The following SYCP1 variants were observed in gnomAD, a reference collection of about 807,000 sequenced individuals.
The protein encoded by SYCP1 is cancer/testis antigen 8.
Under a neutral mutation model 153.1 loss-of-function variants are expected in SYCP1, and 64 were observed. That is an observed-to-expected ratio of 0.42 (90% confidence interval 0.34 to 0.51). SYCP1 has a LOEUF of 0.51. Among genes scored for constraint, SYCP1 ranks in the 20% least tolerant of loss-of-function variants. The pLI is 0.06. For missense variants in SYCP1, 997 were observed against 1,049.0 expected, an observed-to-expected ratio of 0.95 and a Z score of 0.68; for synonymous variants, 384 against 341.8, an observed-to-expected ratio of 1.12 and a Z score of -1.36.
intron 20 of SYCP1, among the ~76,000 whole-genome samples, chr1:114,918,315 T>C (rs1429692818): frequency 6.6e-6 from 1 of 152,156 alleles, no homozygotes; most frequent in African/African-American, 2.4e-5. Context: ...AATGGATTTG[T>C]TTGTGAGTTC....
intron 27 of SYCP1, among the ~76,000 whole-genome samples, chr1:114,968,903 T>G (rs758989636): frequency 8.5e-5 from 13 of 152,258 alleles, no homozygotes; most frequent in Non-Finnish European, 1.8e-4. Flanking sequence ...TACTGCTTTC[T>G]GTTTGTTAGT....
At chr1:114,926,158 A>T in intron 21 of SYCP1, 120 bp from the exon 22 acceptor site, 1 of 688,588 alleles carries the variant, frequency 1.5e-6, no homozygotes, top group Non-Finnish European at 2.0e-6. Flanking sequence ...TATTAATGGA[A>T]TTACCATGAT....
At chr1:114,879,201 C>A (rs1377340952) in intron 12 of SYCP1, among the ~76,000 whole-genome samples, 1 of 152,108 alleles carries the variant, frequency 6.6e-6, no homozygotes, top group Non-Finnish European at 1.5e-5. Flanking sequence ...CGGCAGGACA[C>A]TTAGAAGGCA....
intron 20 of SYCP1, 144 bp downstream of exon 20, chr1:114,914,189 C>T: frequency 1.7e-6 from 1 of 578,250 alleles, no homozygotes; most frequent in Non-Finnish European, 2.8e-6. Flanking sequence ...GTTGTGGAAT[C>T]CTGCTTAAAA....
At chr1:114,856,958 C>T (rs35024065) in intron 3 of SYCP1, among the ~76,000 whole-genome samples, 1 of 127,534 alleles carries the variant, frequency 7.8e-6, no homozygotes, top group African/African-American at 2.8e-5. Flanking sequence ...AGCAAACAAA[C>T]CCCACCACCC....
chr1:114,990,865 C>T (rs2101984271), intron 30 of SYCP1, among the ~76,000 whole-genome samples: 1 of 151,906 alleles, frequency 6.6e-6, no homozygotes, highest in South Asian at 2.1e-4. Context: ...ATAAATTCTA[C>T]CAAATATTTA....
chr1:114,879,102 A>G (rs1570685108), intron 12 of SYCP1, among the ~76,000 whole-genome samples: 1 of 152,294 alleles, frequency 6.6e-6, no homozygotes, highest in East Asian at 1.9e-4. Flanking sequence ...ATGAAATTGT[A>G]AAAGATTTGG....
chr1:114,865,466 G>T (rs925316983), intron 8 of SYCP1, among the ~76,000 whole-genome samples: 1 of 152,110 alleles, frequency 6.6e-6, no homozygotes, highest in African/African-American at 2.4e-5. Context: ...GTTCTGTCTT[G>T]CCTTTTCATT....
chr1:114,950,994 T>A (rs1671069913), intron 27 of SYCP1, among the ~76,000 whole-genome samples: 2 of 152,042 alleles, frequency 1.3e-5, no homozygotes, highest in Non-Finnish European at 2.9e-5. Flanking sequence ...CTGGATAATT[T>A]TTTGTATTTT....
At chr1:114,911,079 A>G (rs568760079) in intron 17 of SYCP1, among the ~76,000 whole-genome samples, 17 of 149,542 alleles carry the variant, frequency 1.1e-4, no homozygotes, top group African/African-American at 4.1e-4. Flanking sequence ...TTGTCTTTTT[A>G]CAATAATAAG....
At chr1:114,922,025 TA>T (rs1208063137) in intron 20 of SYCP1, among the ~76,000 whole-genome samples, 1 of 152,206 alleles carries the variant, frequency 6.6e-6, no homozygotes, top group Admixed American at 6.5e-5. Flanking sequence ...ATATGTTATT[TA>T]TTTCTTTTCT....
At chr1:114,913,936 T>C (rs1245436012) in intron 19 of SYCP1, 39 bp from the exon 20 acceptor site, 8 of 1,411,070 alleles carry the variant, frequency 5.7e-6, no homozygotes, top group Non-Finnish European at 7.6e-6. Context: ...TATTTTTGTT[T>C]AAACAAAATA....
At chr1:114,963,381 C>CT (rs1273157247) in intron 27 of SYCP1, among the ~76,000 whole-genome samples, 1 of 151,822 alleles carries the variant, frequency 6.6e-6, no homozygotes, top group East Asian at 1.9e-4. Flanking sequence ...AGTATTTTTT[C>CT]TTTTTTATTA....
intron 19 of SYCP1, 78 bp downstream of exon 19, chr1:114,913,228 T>G: frequency 8.6e-7 from 1 of 1,156,534 alleles, no homozygotes; most frequent in Non-Finnish European, 1.3e-6. Context: ...CTAAAGACCC[T>G]TTGACCTTTA....
intron 9 of SYCP1, among the ~76,000 whole-genome samples, chr1:114,874,943 C>T (rs1481154538): frequency 1.3e-5 from 2 of 152,156 alleles, no homozygotes; most frequent in East Asian, 3.8e-4. Context: ...TGTAGTCACT[C>T]TTTTATGTTT....
rs576197548 is a variant in SYCP1, at chr1:114,908,397, T to A, written c.1321-2000T>A. 1.9e-4 allele frequency among the ~76,000 whole-genome samples: 29 copies of A among 152,324 alleles called. No homozygotes were observed. The South Asian group carries it at 5.6e-3, about 29-fold the overall frequency. Reference sequence around the variant, plus strand: ...CTGCACTTCATAAATCTGTAAATTTTTAACTTTCTTCAAATATGGGAAGTT... The same window carrying A: ...CTGCACTTCATAAATCTGTAAATTTATAACTTTCTTCAAATATGGGAAGTT... On this transcript the variant is annotated intron_variant, in intron 16 of 31. Coordinates refer to ENST00000369522, the MANE Select transcript of SYCP1 (RefSeq NM_003176.4).
intron 3 of SYCP1, 32 bp from the exon 4 acceptor site, chr1:114,857,200 G>T (rs367630362): frequency 6.9e-7 from 1 of 1,441,386 alleles, no homozygotes; most frequent in East Asian, 2.3e-5. Context: ...AGATGTTGGC[G>T]TATTTAATAC....
Position 114,995,073 on chromosome 1 carries a change from T to C in SYCP1, c.*54T>C. ...CTAATAACGTGAAACTTATAGTTAA[T>C]ATTTTGTTCTTATTTGCCAGAGCCA... On this transcript the variant is annotated 3_prime_UTR_variant, in exon 32 of 32. Transcript: ENST00000369522. 2 of 1,468,776 alleles carry C rather than the reference T, an allele frequency of 1.4e-6. No individual in the cohort carries two copies. Among genetic ancestry groups the C allele is most frequent in the Admixed American group, 2.4e-5 (1 of 41,342 alleles). 91.0% of individuals were successfully genotyped at this position (1,468,776 alleles called of 1,614,324 possible).
At chr1:114,984,161 T>A (rs1173584378) in intron 29 of SYCP1, among the ~76,000 whole-genome samples, 1 of 152,092 alleles carries the variant, frequency 6.6e-6, no homozygotes, top group East Asian at 1.9e-4. Flanking sequence ...TGCCTTGGTC[T>A]TCCAAAGTGC....
Sources: gnomAD v4.1 joint callset for allele counts (sites outside exome capture counted in the v4.1 genomes callset) on GRCh38, gnomAD v4.1.1 for gene constraint, MANE v1.5 for transcripts, NCBI Gene and HGNC (gene_info 2026-07-23, HGNC 2026-07-21) for gene names.